The following SVIL variants were observed in gnomAD, a reference collection of about 807,000 sequenced individuals.
The protein encoded by SVIL is archvillin.
In SVIL, 101 loss-of-function variants were observed where a neutral mutation model predicts 240.4. The ratio of observed to expected loss-of-function variants is 0.42; its 90% confidence interval spans 0.36 to 0.50. The LOEUF (loss-of-function observed/expected upper bound fraction) is 0.50, where lower values mean the gene tolerates loss of function less well. SVIL is among the 20% of genes least tolerant of loss of function. The probability of loss-of-function intolerance (pLI) is 0.01; values close to 1 mark genes in which losing one functional copy is unlikely to be tolerated. For missense variants in SVIL, 2,512 were observed against 2,818.7 expected (o/e 0.89, Z 2.46); for synonymous variants, 999 against 1,100.0 (o/e 0.91, Z 1.82).
At chr10:29,546,835 G>T (rs577182636) in intron 6 of SVIL, among the ~76,000 whole-genome samples, 1 of 152,224 alleles carries the variant, frequency 6.6e-6, no homozygotes, top group African/African-American at 2.4e-5. Context: ...TTGATTCAGA[G>T]ATTTAATAGC....
Position 29,524,435 on chromosome 10 carries a change from A to G in SVIL, c.2586+37T>C, listed in dbSNP as rs1950759914. Reference sequence around the variant, plus strand: ...CTGCAGTGCTATAATTTAAGAACACACACACACAAACTGCAATCGGACTAT... The same window carrying G: ...CTGCAGTGCTATAATTTAAGAACACGCACACACAAACTGCAATCGGACTAT... On this transcript the variant is annotated intron_variant, in intron 14 of 37. Coordinates refer to ENST00000355867, the MANE Select transcript of SVIL (RefSeq NM_021738.3). 9.9e-6 allele frequency: 16 copies of G among 1,610,548 alleles called. No homozygotes were observed. In the East Asian group the frequency reaches 3.6e-4, roughly 36 times the overall value.
chr10:29,487,349 G>A, intron 23 of SVIL, 50 bp from the exon 24 acceptor site: 1 of 1,604,900 alleles, frequency 6.2e-7, no homozygotes, highest in Non-Finnish European at 8.5e-7. Flanking sequence ...ACGGGGATAG[G>A]ACGCACCCCA....
intron 1 of SVIL, among the ~76,000 whole-genome samples, chr10:29,604,363 CTTTTT>C (rs71525560): frequency 5.8e-3 from 222 of 38,396 alleles, no homozygotes; most frequent in Middle Eastern, 0.024. Context: ...CCATGTCTGG[CTTTTT>C]TTTTTTTTTT....
intron 6 of SVIL, among the ~76,000 whole-genome samples, chr10:29,536,911 C>CAA (rs59133069): frequency 0.01 from 943 of 89,812 alleles, 33 homozygotes; most frequent in Middle Eastern, 0.042. Context: ...GACTCTGTCA[C>CAA]AAAAAAAAAA....
intron 17 of SVIL, among the ~76,000 whole-genome samples, chr10:29,505,199 G>A (rs1322460866): frequency 6.6e-5 from 10 of 152,180 alleles, no homozygotes; most frequent in African/African-American, 9.6e-5. Flanking sequence ...GGTGGCGGGC[G>A]CCTGCAATCG....
intron 21 of SVIL, among the ~76,000 whole-genome samples, chr10:29,492,616 T>G (rs1362948201): frequency 2.0e-5 from 3 of 152,192 alleles, no homozygotes; most frequent in Non-Finnish European, 4.4e-5. Context: ...GGGATCTTTT[T>G]CTTGGCACTT....
At chr10:29,533,486 G>T in intron 7 of SVIL, 28 bp from the exon 8 acceptor site, 1 of 1,595,320 alleles carries the variant, frequency 6.3e-7, no homozygotes, top group African/African-American at 1.3e-5. Context: ...GATTTAAGTT[G>T]CAAAGTGCAG....
chr10:29,586,358 T>C (rs995762351), intron 1 of SVIL, among the ~76,000 whole-genome samples: 7 of 152,306 alleles, frequency 4.6e-5, no homozygotes, highest in South Asian at 2.1e-4. Flanking sequence ...TGGATATGTA[T>C]AATGTATAGT....
chr10:29,607,499 A>AT (rs35528263), intron 1 of SVIL, among the ~76,000 whole-genome samples: 33,352 of 150,546 alleles, frequency 0.22, 3,965 homozygotes, highest in South Asian at 0.31. Flanking sequence ...TTAGAACATG[A>AT]TTTTTTTTTT....
chr10:29,473,589 C>A (rs1945831633), intron 30 of SVIL: 1 of 551,048 alleles, frequency 1.8e-6, no homozygotes, highest in Non-Finnish European at 3.2e-6. Flanking sequence ...GCCATCTGCA[C>A]TTGTCATGTG....
At chr10:29,480,272 G>C (rs1271722360) in intron 29 of SVIL, among the ~76,000 whole-genome samples, 1 of 152,220 alleles carries the variant, frequency 6.6e-6, no homozygotes, top group Non-Finnish European at 1.5e-5. Flanking sequence ...AGGGGAGGGA[G>C]AGAGGGAGCT....
intron 1 of SVIL, among the ~76,000 whole-genome samples, chr10:29,579,232 T>C (rs1955832043): frequency 6.6e-6 from 1 of 151,670 alleles, no homozygotes. Flanking sequence ...GGTCAGGAGA[T>C]CGAGACTATC....
intron 2 of SVIL, among the ~76,000 whole-genome samples, chr10:29,681,439 G>GTGTA (rs1278956117): frequency 7.9e-5 from 12 of 151,286 alleles, no homozygotes; most frequent in Non-Finnish European, 8.8e-5. Context: ...GTGTGTGTGT[G>GTGTA]TGTACGTGTG....
intron 6 of SVIL, among the ~76,000 whole-genome samples, chr10:29,549,071 G>A (rs1005589325): frequency 1.3e-5 from 2 of 151,018 alleles, no homozygotes; most frequent in Admixed American, 1.3e-4. Context: ...CCATCAGAGT[G>A]AACAGGCAAC....
At chr10:29,584,648 C>T (rs771553647) in intron 1 of SVIL, among the ~76,000 whole-genome samples, 1 of 152,226 alleles carries the variant, frequency 6.6e-6, no homozygotes, top group Non-Finnish European at 1.5e-5. Context: ...TCTGGGTCTC[C>T]TCTTCGGCCT....
intron 1 of SVIL, among the ~76,000 whole-genome samples, chr10:29,591,809 C>T (rs1426917096): frequency 2.0e-5 from 3 of 152,212 alleles, no homozygotes; most frequent in Non-Finnish European, 2.9e-5. Context: ...GGGATCTTAG[C>T]ACACGTGGGG....
intron 1 of SVIL, among the ~76,000 whole-genome samples, chr10:29,629,875 G>A (rs914362221): frequency 2.0e-5 from 3 of 148,538 alleles, no homozygotes; most frequent in Non-Finnish European, 4.5e-5. Context: ...AGCTACTCGG[G>A]AGGCTGAGGA....
At chr10:29,594,926 T>C (rs1172833221) in intron 1 of SVIL, among the ~76,000 whole-genome samples, 1 of 152,226 alleles carries the variant, frequency 6.6e-6, no homozygotes, top group Admixed American at 6.5e-5. Context: ...GGTTGTATAG[T>C]TCCCCAGCCC....
chr10:29,720,009 A>G (rs1313216644), intron 1 of SVIL, among the ~76,000 whole-genome samples: 4 of 152,234 alleles, frequency 2.6e-5, no homozygotes, highest in Non-Finnish European at 4.4e-5. Flanking sequence ...ACGTATATCA[A>G]AGCACATTGC....
Sources: gnomAD v4.1 joint callset for allele counts (sites outside exome capture counted in the v4.1 genomes callset) on GRCh38, gnomAD v4.1.1 for gene constraint, MANE v1.5 for transcripts, NCBI Gene and HGNC (gene_info 2026-07-23, HGNC 2026-07-21) for gene names.